Variants in BRWD1 observed in about 807,000 individuals in gnomAD.
BRWD1 encodes bromodomain and WD repeat-containing protein 1.
In BRWD1, 82 loss-of-function variants were observed where a neutral mutation model predicts 251.2. The ratio of observed to expected loss-of-function variants is 0.33; its 90% CI spans 0.27 to 0.39. The LOEUF (loss-of-function observed/expected upper bound fraction) is 0.39. Among genes scored for constraint, BRWD1 ranks in the 10% least tolerant of loss-of-function variants. BRWD1 has a pLI of 1.00. For missense variants in BRWD1, 2,233 were observed against 2,711.6 expected, an observed-to-expected ratio of 0.82 and a Z score of 3.92; for synonymous variants, 918 against 902.8, an observed-to-expected ratio of 1.02 and a Z score of -0.30.
At chr21:39,313,745 C>T (rs1450829468), upstream of BRWD1, 2 of 387,302 alleles carry the variant, frequency 5.2e-6, no homozygotes, top group African/African-American at 2.2e-5. Flanking sequence ...GTGTCCCGCC[C>T]GGGGAGGCGA....
At chr21:39,271,382 A>C (rs1164229671) in intron 13 of BRWD1, among the ~76,000 whole-genome samples, 3 of 149,220 alleles carry the variant, frequency 2.0e-5, no homozygotes. Flanking sequence ...AAATAATAGA[A>C]TACGTTTTAA....
At chr21:39,264,790 A>C in intron 16 of BRWD1, 101 bp downstream of exon 16, 1 of 1,519,286 alleles carries the variant, frequency 6.6e-7, no homozygotes, top group Non-Finnish European at 9.0e-7. Context: ...AAATCAAATC[A>C]CTCAGCTAAA....
At chr21:39,284,699 A>G (rs1383274918) in intron 8 of BRWD1, among the ~76,000 whole-genome samples, 3 of 152,142 alleles carry the variant, frequency 2.0e-5, no homozygotes, top group South Asian at 2.1e-4. Context: ...ATATTTTCAT[A>G]TATCTGTCAG....
In BRWD1 at chr21:39,232,476, G is replaced by C. The variant is rs755609671; in HGVS notation, c.2789C>G (p.Ala930Gly). Residue 930 changes from alanine (A) to glycine (G), a missense_variant, in exon 24 of 41, where the codon GCA becomes GGA. Coordinates refer to ENST00000342449, the MANE Select transcript of BRWD1 (RefSeq NM_033656.4). ...TAAATGCTCCATATTTGCAAGCTCT[G>C]CTGGAGTCATCCTCCGCAAATTCTA... ...KKENLRRMTP[A>G]ELANMEHLYE... is the part of the protein sequence containing the mutation. The C allele has an allele frequency of 1.3e-6, 2 of 1,590,438 alleles. No homozygotes were observed. Among genetic ancestry groups the C allele is most frequent in the Non-Finnish European group, 8.5e-7 (1 of 1,174,772 alleles).
intron 17 of BRWD1, among the ~76,000 whole-genome samples, chr21:39,262,413 G>C (rs770655623): frequency 2.0e-5 from 3 of 152,156 alleles, no homozygotes; most frequent in Non-Finnish European, 2.9e-5. Context: ...AAAGAAGCCA[G>C]ACACAAAAGA....
chr21:39,234,740 G>A (rs1453884596), intron 23 of BRWD1, among the ~76,000 whole-genome samples: 2 of 152,150 alleles, frequency 1.3e-5, no homozygotes, highest in Non-Finnish European at 2.9e-5. Context: ...GGCTAAACAC[G>A]ATGTATTTCA....
At chr21:39,313,731 G>T, upstream of BRWD1, 1 of 389,928 alleles carries the variant, frequency 2.6e-6, no homozygotes. Context: ...GAGGACCGGA[G>T]CTCGTGTCCC....
chr21:39,306,521 G>A (rs940021181), intron 4 of BRWD1, among the ~76,000 whole-genome samples: 11 of 152,126 alleles, frequency 7.2e-5, no homozygotes, highest in African/African-American at 2.2e-4. Context: ...GGTTTGTAGA[G>A]GGGTTTATTT....
intron 12 of BRWD1, 140 bp from the exon 13 acceptor site, chr21:39,274,612 G>T: frequency 1.4e-6 from 1 of 715,424 alleles, no homozygotes; most frequent in Non-Finnish European, 2.3e-6. Context: ...CAAAAGACAA[G>T]GTATTTAGAG....
chr21:39,271,766 G>T (rs2035115432), intron 13 of BRWD1, among the ~76,000 whole-genome samples: 1 of 150,622 alleles, frequency 6.6e-6, no homozygotes, highest in Admixed American at 6.6e-5. Context: ...GGCTGGGCAT[G>T]GTAGCTCACA....
intron 13 of BRWD1, among the ~76,000 whole-genome samples, chr21:39,271,558 G>A (rs1270384284): frequency 6.6e-6 from 1 of 151,532 alleles, no homozygotes; most frequent in Non-Finnish European, 1.5e-5. Context: ...TTAGCCAGGC[G>A]TGGTGGTGGG....
chr21:39,246,778 A>C (rs1410122672), intron 21 of BRWD1, among the ~76,000 whole-genome samples: 1 of 152,184 alleles, frequency 6.6e-6, no homozygotes, highest in Non-Finnish European at 1.5e-5. Flanking sequence ...CCAGTCACAA[A>C]ATCATATTTT....
At chr21:39,218,698 A>G in intron 29 of BRWD1, 38 bp from the exon 30 acceptor site, 2 of 1,494,028 alleles carry the variant, frequency 1.3e-6, no homozygotes, top group East Asian at 4.7e-5. Context: ...GGAAGAAAAA[A>G]ACACAAAAAA....
chr21:39,202,246 T>A, intron 38 of BRWD1, 79 bp downstream of exon 38: 1 of 1,005,638 alleles, frequency 9.9e-7, no homozygotes, highest in Non-Finnish European at 1.4e-6. Flanking sequence ...CTTTATATTT[T>A]CCTCTAAATC....
intron 4 of BRWD1, among the ~76,000 whole-genome samples, chr21:39,302,932 C>T (rs1284805731): frequency 2.0e-5 from 3 of 150,736 alleles, no homozygotes; most frequent in Admixed American, 2.0e-4. Flanking sequence ...TGGTGGCATG[C>T]TCCTGCAATT....
rs763436014 is a variant in BRWD1 at position 39,187,069 on chromosome 21, A to G, written c.*9190T>C. ...CCAGGATCTGAACCCCCTTAAAAAAAGCATTTTTCTATTAATATCTTCTAG... is the reference window on the plus strand; with the variant it reads ...CCAGGATCTGAACCCCCTTAAAAAAGGCATTTTTCTATTAATATCTTCTAG... On this transcript the variant is annotated 3_prime_UTR_variant, in exon 41 of 41. Transcript: ENST00000342449. 3 of 1,591,524 alleles carry G rather than the reference A, an allele frequency of 1.9e-6. No homozygotes were observed. The highest frequency in any genetic ancestry group is 3.7e-5 in the Admixed American group (2 of 53,924).
At chr21:39,212,884 A>T (rs987818321) in intron 33 of BRWD1, among the ~76,000 whole-genome samples, 177 bp from the exon 34 acceptor site, 1 of 152,202 alleles carries the variant, frequency 6.6e-6, no homozygotes, top group African/African-American at 2.4e-5. Context: ...CTTGAAAAAA[A>T]AAAATCATTC....
intron 8 of BRWD1, among the ~76,000 whole-genome samples, chr21:39,289,167 G>A (rs1272383017): frequency 1.3e-5 from 2 of 151,820 alleles, no homozygotes; most frequent in African/African-American, 2.4e-5. Flanking sequence ...CTCCTTTCTT[G>A]TTTTACTTTC....
At chr21:39,296,876 C>G in intron 5 of BRWD1, 1 of 982,202 alleles carries the variant, frequency 1.0e-6, no homozygotes. Context: ...AAAATGGAAG[C>G]TTTTATAAGG....
Sources: gnomAD v4.1 joint callset for allele counts (sites outside exome capture counted in the v4.1 genomes callset) on GRCh38, gnomAD v4.1.1 for gene constraint, MANE v1.5 for transcripts, NCBI Gene and HGNC (gene_info 2026-07-23, HGNC 2026-07-21) for gene names.